The following PREX1 variants were observed in gnomAD, a reference collection of about 807,000 sequenced individuals.
The protein encoded by PREX1 is phosphatidylinositol 3,4,5-trisphosphate-dependent Rac exchanger 1 protein.
PREX1 carries 41 observed loss-of-function variants against 198.3 expected under a neutral mutation model. The observed-to-expected ratio is 0.21, with a 90% confidence interval of 0.16 to 0.27. The LOEUF (loss-of-function observed/expected upper bound fraction) is 0.27, where lower values mean the gene tolerates loss of function less well. PREX1 is among the 10% of genes least tolerant of loss of function. The pLI is 1.00. For missense variants in PREX1, 1,620 were observed against 2,200.7 expected (o/e 0.74, Z 5.28); for synonymous variants, 843 against 887.2 (o/e 0.95, Z 0.89).
chr20:48,749,973 T>C (rs2090127093), intron 1 of PREX1, among the ~76,000 whole-genome samples: 1 of 152,082 alleles, frequency 6.6e-6, no homozygotes, highest in South Asian at 2.1e-4. Flanking sequence ...CCCAGACTCT[T>C]ATCTCCAGCT....
the PREX1 span, among the ~76,000 whole-genome samples, chr20:48,848,188 T>G: frequency 6.6e-6 from 1 of 152,202 alleles, no homozygotes; most frequent in Non-Finnish European, 1.5e-5. Flanking sequence ...GGTTGTACCA[T>G]TTTATATTTC....
chr20:48,661,045 A>G (rs1267967611), intron 15 of PREX1, among the ~76,000 whole-genome samples: 4 of 152,214 alleles, frequency 2.6e-5, no homozygotes, highest in African/African-American at 9.6e-5. Flanking sequence ...TTTGAGCCAC[A>G]AGGACAAAGT....
the PREX1 span, among the ~76,000 whole-genome samples, chr20:48,863,110 A>C: frequency 6.6e-6 from 1 of 152,166 alleles, no homozygotes; most frequent in East Asian, 1.9e-4. Context: ...TTATAGGCGT[A>C]AGCCACTGTG....
intron 1 of PREX1, among the ~76,000 whole-genome samples, chr20:48,786,821 G>GAA (rs1169910346): frequency 5.5e-4 from 27 of 48,814 alleles, no homozygotes; most frequent in South Asian, 1.5e-3. Context: ...GAAAGAAAAA[G>GAA]AGAGAGAGAG....
chr20:48,785,824 A>G (rs2090309491), intron 1 of PREX1, among the ~76,000 whole-genome samples: 1 of 152,230 alleles, frequency 6.6e-6, no homozygotes, highest in African/African-American at 2.4e-5. Flanking sequence ...AATTCATTCC[A>G]TAAATACTGA....
intron 13 of PREX1, 93 bp from the exon 14 acceptor site, chr20:48,676,361 T>A (rs1187424143): frequency 8.5e-7 from 1 of 1,177,288 alleles, no homozygotes; most frequent in Non-Finnish European, 1.3e-6. Context: ...TGCCCACGAG[T>A]CAAGGATCTC....
chr20:48,734,737 T>C (rs1371790536), intron 3 of PREX1, 87 bp from the exon 4 acceptor site: 8 of 1,216,662 alleles, frequency 6.6e-6, no homozygotes, highest in African/African-American at 3.0e-5. Flanking sequence ...GCTGGTAGGG[T>C]AGGGGTAAGG....
chr20:48,631,256 A>AT (rs1423974999), intron 35 of PREX1, among the ~76,000 whole-genome samples: 3 of 152,246 alleles, frequency 2.0e-5, no homozygotes, highest in Non-Finnish European at 4.4e-5. Flanking sequence ...CAGCTCTGCC[A>AT]TTGCAGCACA....
chr20:48,665,257 TCCCGCCCCAGACGG>T lies in PREX1; in HGVS notation c.1738+1012_1738+1025del, dbSNP rs1208041433. On this transcript the variant is annotated intron_variant, in intron 15 of 39. Transcript: ENST00000371941. ...TGGCTCCAGATGGCCTGAATTCTAA[TCCCGCCCCAGACGG>T]CCTGAATTCTAATCCCGGCTCCAGA... Among the ~76,000 whole-genome samples, 802 of 139,598 alleles carry T rather than the reference TCCCGCCCCAGACGG, an allele frequency of 5.7e-3. 6 individuals are homozygous for T. The highest frequency in any genetic ancestry group is 0.02 in the African/African-American group (708 of 35,000). The allele number at this position is 139,598 out of a possible 152,430, so 91.6% of individuals were successfully genotyped here. A position where few individuals can be genotyped will look rare whatever the true frequency, so the allele number is the denominator to read the frequency against.
At chr20:48,668,750 C>A (rs374376036) in intron 14 of PREX1, among the ~76,000 whole-genome samples, 1 of 152,180 alleles carries the variant, frequency 6.6e-6, no homozygotes, top group Admixed American at 6.5e-5. Context: ...GGAGGGCCTG[C>A]GGGTTGGGAA....
intron 37 of PREX1, 34 bp downstream of exon 37, chr20:48,629,415 T>G: frequency 6.2e-7 from 1 of 1,602,958 alleles, no homozygotes; most frequent in African/African-American, 1.3e-5. Context: ...GGCCAGCCCC[T>G]CCCCACACCC....
At position 48,739,676 on chromosome 20, in the gene PREX1, G is replaced by A. The variant is rs117356589; in HGVS notation, c.415-5026C>T. Among the ~76,000 whole-genome samples, 166 of 152,200 alleles carry A rather than the reference G, an allele frequency of 1.1e-3. 4 individuals carry two copies. In the East Asian group the frequency reaches 0.027, roughly 25 times the overall value. On this transcript the variant is annotated intron_variant, in intron 3 of 39. Coordinates refer to ENST00000371941, the MANE Select transcript of PREX1 (RefSeq NM_020820.4). Reference sequence around the variant, plus strand: ...GTCTTACTTAGTACAGCATCCCCAGGGTCTAGTGCAGAGCCTGGCACACAG... The same window carrying A: ...GTCTTACTTAGTACAGCATCCCCAGAGTCTAGTGCAGAGCCTGGCACACAG...
At chr20:48,860,812 C>T in the PREX1 span, among the ~76,000 whole-genome samples, 1 of 145,808 alleles carries the variant, frequency 6.9e-6, no homozygotes, top group African/African-American at 2.6e-5. Context: ...TCTGGCTGGG[C>T]GACAAAGTGA....
chr20:48,754,374 G>A (rs747889959), intron 1 of PREX1, among the ~76,000 whole-genome samples: 38 of 151,910 alleles, frequency 2.5e-4, no homozygotes, highest in Non-Finnish European at 3.7e-4. Context: ...TCCATCACGC[G>A]CCATCAGTGA....
At chr20:48,695,447 A>T (rs2089840461) in intron 7 of PREX1, among the ~76,000 whole-genome samples, 2 of 152,334 alleles carry the variant, frequency 1.3e-5, no homozygotes, top group South Asian at 4.1e-4. Context: ...GAGGAGCTGA[A>T]TTACTGAGTG....
In PREX1 at chr20:48,684,188, C is replaced by T. The variant is rs866884520; in HGVS notation, c.1335-2853G>A. 6.6e-6 allele frequency among the ~76,000 whole-genome samples: 1 copy of T among 152,170 alleles called. No individual in the cohort carries two copies. Among genetic ancestry groups the T allele is most frequent in the South Asian group, 2.1e-4 (1 of 4,832 alleles). On this transcript the variant is annotated intron_variant, in intron 10 of 39. Coordinates refer to ENST00000371941, the MANE Select transcript of PREX1 (RefSeq NM_020820.4). This position sits in a 1 kb window ranked among gnomAD's most constrained non-coding sequence, Gnocchi z 4.2. ...CATCTATTTAGCCTACAATGGGCCA[C>T]GGCCAGGGTGAGGCACAAGGAATAC...
chr20:48,652,729 G>C, intron 20 of PREX1, 23 bp from the exon 21 acceptor site: 2 of 1,606,190 alleles, frequency 1.2e-6, no homozygotes, highest in Non-Finnish European at 1.7e-6. Flanking sequence ...AGAGTAAGGG[G>C]ACAGCCATGG....
At chr20:48,655,978 A>G (rs1324025508) in intron 18 of PREX1, among the ~76,000 whole-genome samples, 1 of 152,132 alleles carries the variant, frequency 6.6e-6, no homozygotes, top group Non-Finnish European at 1.5e-5. Flanking sequence ...CCCCCTGCAG[A>G]TAAAGCCGAG....
intron 11 of PREX1, among the ~76,000 whole-genome samples, chr20:48,680,867 C>T (rs2089744649): frequency 6.8e-6 from 1 of 146,494 alleles, no homozygotes; most frequent in Non-Finnish European, 1.5e-5. Flanking sequence ...ACTACAAGGT[C>T]GGCTCCATGA....
Sources: allele counts gnomAD v4.1 joint callset (sites outside exome capture counted in the v4.1 genomes callset), GRCh38; gene constraint gnomAD v4.1.1; non-coding constraint Gnocchi (gnomAD v3.1); transcripts MANE v1.5; gene names NCBI Gene and HGNC (gene_info 2026-07-23, HGNC 2026-07-21).